SMARCA4: variants seen among roughly 807,000 people sequenced by gnomAD.
SMARCA4 encodes the protein SWI/SNF related BAF chromatin remodeling complex subunit ATPase 4.
SMARCA4 carries 31 observed loss-of-function variants against 193.9 expected under a neutral mutation model. That is an observed-to-expected ratio of 0.16 (90% CI 0.12 to 0.22). SMARCA4 has a LOEUF of 0.22. SMARCA4 is among the 10% of genes least tolerant of loss of function. The pLI, the probability that SMARCA4 is intolerant of heterozygous loss-of-function variation, is 1.00. For missense variants in SMARCA4, 1,148 were observed against 2,296.0 expected (o/e 0.50, Z 10.22); for synonymous variants, 942 against 933.1 (o/e 1.01, Z -0.17).
In SMARCA4 at chr19:11,003,799, C is replaced by G. The variant is rs113373560; in HGVS notation, c.2001+402C>G. On this transcript the variant is annotated intron_variant, in intron 13 of 34. Transcript: ENST00000344626. ...CAATCTCAGCTCATTGCAACCTCCA[C>G]CTCCCGGGTTCAAGCAATTCTCCTG... Among the ~76,000 whole-genome samples, 5 of 151,340 alleles carry G rather than the reference C, an allele frequency of 3.3e-5. No individual in the cohort carries two copies. The East Asian group carries it at 9.7e-4, about 29-fold the overall frequency.
At chr19:10,964,057 T>C (rs1176764996) in intron 1 of SMARCA4, among the ~76,000 whole-genome samples, 1 of 152,226 alleles carries the variant, frequency 6.6e-6, no homozygotes, top group Non-Finnish European at 1.5e-5. Context: ...GTGCAGGCTT[T>C]TGAGCAGGGG....
rs2074842542 is a variant in SMARCA4 at position 11,030,387 on chromosome 19, AG to A, written c.3383-342del. On this transcript the variant is annotated intron_variant, in intron 24 of 34. Coordinates refer to ENST00000344626, the MANE Select transcript of SMARCA4 (RefSeq NM_003072.5). The surrounding 1 kb of genome is among the most constrained non-coding windows in gnomAD (Gnocchi z 5.5). The stretch of plus-strand genomic sequence containing the variant: ...AATGGCACAGGGTAGAGTAGAGGAG[AG>A]AATCCAGGGCTGTGGTGGTGGTGGC... Among the ~76,000 whole-genome samples, 1 of 152,104 alleles carries A rather than the reference AG, an allele frequency of 6.6e-6. No individual in the cohort carries two copies. The highest frequency in any genetic ancestry group is 2.1e-4 in the South Asian group (1 of 4,828).
At chr19:11,014,458 C>T (rs1027159152) in intron 16 of SMARCA4, among the ~76,000 whole-genome samples, 2 of 152,232 alleles carry the variant, frequency 1.3e-5, no homozygotes, top group African/African-American at 4.8e-5. Flanking sequence ...TCCTTGTGCA[C>T]AGCGCTGCAG....
chr19:10,977,047 C>A (rs1236081500), intron 1 of SMARCA4, among the ~76,000 whole-genome samples: 5 of 152,158 alleles, frequency 3.3e-5, no homozygotes, highest in Admixed American at 3.3e-4. Flanking sequence ...CAGAGCGAGA[C>A]TCTGTCTCCA....
At chr19:11,011,553 CT>C (rs1203380484) in intron 15 of SMARCA4, among the ~76,000 whole-genome samples, 1 of 152,192 alleles carries the variant, frequency 6.6e-6, no homozygotes, top group Non-Finnish European at 1.5e-5. Flanking sequence ...ACTCTTAAAC[CT>C]TTTGTGCTAG....
rs534767953 is a variant in SMARCA4, at chr19:11,030,028, G to T, written c.3383-702G>T. Among the ~76,000 whole-genome samples the T allele has an allele frequency of 6.6e-6, 1 of 152,168 alleles. No homozygotes were observed. The highest frequency in any genetic ancestry group is 1.5e-5 in the Non-Finnish European group (1 of 68,012). ...GACTTCAGTGTTCAGGGGCACCTCT[G>T]TCCGAACTCCCAGCAGCGCAGGGAG... On this transcript the variant is annotated intron_variant, in intron 24 of 34. Coordinates refer to ENST00000344626, the MANE Select transcript of SMARCA4 (RefSeq NM_003072.5). This position sits in a 1 kb window ranked among gnomAD's most constrained non-coding sequence, Gnocchi z 5.5.
At chr19:11,010,963 G>T in intron 15 of SMARCA4, 2 of 267,904 alleles carry the variant, frequency 7.5e-6, no homozygotes, top group South Asian at 8.2e-5. Flanking sequence ...AACGGCGAGC[G>T]TCAGGAGCTT....
At position 10,984,220 on chromosome 19, in the gene SMARCA4, C is replaced by G. The variant is rs772658698; in HGVS notation, c.69C>G (p.Ser23=). 6.2e-7 allele frequency: 1 copy of G among 1,612,578 alleles called. No homozygotes were observed. ...RPGPSPGPGP[S]PGAMLGPSPG... ...GTCCTTCCCCGGGCCCTGGCCCTTC[C>G]CCTGGAGCCATGCTGGGCCCTAGCC... The change falls in exon 2 of 35, where the codon TCC becomes TCG. Residue 23 remains serine, a synonymous_variant. Transcript: ENST00000344626. The surrounding 1 kb of genome is among the most constrained non-coding windows in gnomAD (Gnocchi z 4.3).
intron 9 of SMARCA4, chr19:10,995,415 G>T: frequency 2.2e-6 from 1 of 462,812 alleles, no homozygotes; most frequent in Middle Eastern, 3.2e-4. Flanking sequence ...ACGGGGACAT[G>T]GCCCCTGCCT....
intron 1 of SMARCA4, among the ~76,000 whole-genome samples, chr19:10,972,239 A>C (rs952998158): frequency 3.9e-5 from 6 of 152,072 alleles, no homozygotes; most frequent in Non-Finnish European, 7.4e-5. Flanking sequence ...AATTACAGGC[A>C]TGAGCCACCA....
At position 10,985,180 on chromosome 19, in the gene SMARCA4, C is replaced by T. The variant is rs1238476073; in HGVS notation, c.223-93C>T. ...CGCGTCATCTTCGGGTGGCTGTTCT[C>T]GGTGCCCTCGAGCTTCTCTCGGGCA... On this transcript the variant is annotated intron_variant, in intron 2 of 34. Coordinates refer to ENST00000344626, the MANE Select transcript of SMARCA4 (RefSeq NM_003072.5). The surrounding 1 kb of genome is among the most constrained non-coding windows in gnomAD (Gnocchi z 4.5). The T allele has an allele frequency of 3.3e-5, 46 of 1,373,140 alleles. 1 individual carries two copies. Among genetic ancestry groups the T allele is most frequent in the Non-Finnish European group, 4.5e-5 (43 of 966,160 alleles). 85.1% of individuals were successfully genotyped at this position (1,373,140 alleles called of 1,614,324 possible). A position where few individuals can be genotyped will look rare whatever the true frequency, so the allele number is the denominator to read the frequency against.
At chr19:11,052,935 C>T (rs1028688458) in intron 30 of SMARCA4, among the ~76,000 whole-genome samples, 4 of 152,202 alleles carry the variant, frequency 2.6e-5, no homozygotes, top group Non-Finnish European at 5.9e-5. Context: ...GTCCCCGCCT[C>T]GCAGTGTTGG....
At chr19:10,968,314 G>T (rs1366155664) in intron 1 of SMARCA4, among the ~76,000 whole-genome samples, 1 of 152,100 alleles carries the variant, frequency 6.6e-6, no homozygotes, top group African/African-American at 2.4e-5. Context: ...GTCCCAGACT[G>T]GTTTCCAGAG....
rs757682544 is a variant in SMARCA4 at position 10,996,486 on chromosome 19, A to C, written c.1762-8A>C. 7 of 1,614,160 alleles carry C rather than the reference A, an allele frequency of 4.3e-6. No individual in the cohort carries two copies. Among genetic ancestry groups the C allele is most frequent in the East Asian group, 4.5e-5 (2 of 44,880 alleles). On this transcript the variant is annotated splice_region_variant and splice_polypyrimidine_tract_variant and intron_variant, in intron 10 of 34. Transcript: ENST00000344626. Reference sequence around the variant, plus strand: ...TCAGGGCCTGACCGTGTCTCTCTCTATTTCCAGAAGGCAGAAAATGCAGAA... The same window carrying C: ...TCAGGGCCTGACCGTGTCTCTCTCTCTTTCCAGAAGGCAGAAAATGCAGAA...
intron 1 of SMARCA4, among the ~76,000 whole-genome samples, chr19:10,974,863 C>T (rs1171322931): frequency 4.7e-5 from 7 of 149,028 alleles, no homozygotes; most frequent in South Asian, 2.1e-4. Flanking sequence ...CCCACCACCA[C>T]GCCTAGCTAA....
rs2145883804 is a variant in SMARCA4, at chr19:10,991,340, C to G, written c.1419+17C>G. The G allele has an allele frequency of 6.3e-7, 1 of 1,575,292 alleles. No individual in the cohort carries two copies. The highest frequency in any genetic ancestry group is 8.6e-7 in the Non-Finnish European group (1 of 1,161,476). ...AAGCACCAGGTACGCTCCGGTGGCC[C>G]CAAGGCCCTGCAGCCCGCCCACCTG... On this transcript the variant is annotated intron_variant, in intron 8 of 34. Coordinates refer to ENST00000344626, the MANE Select transcript of SMARCA4 (RefSeq NM_003072.5).
At chr19:10,989,805 A>G (rs894078734) in intron 7 of SMARCA4, among the ~76,000 whole-genome samples, 3 of 150,756 alleles carry the variant, frequency 2.0e-5, no homozygotes, top group Non-Finnish European at 4.4e-5. Context: ...GGGATCAAGC[A>G]ATTCTTCTGC....
At chr19:10,965,689 A>C (rs2084158143) in intron 1 of SMARCA4, among the ~76,000 whole-genome samples, 1 of 152,200 alleles carries the variant, frequency 6.6e-6, no homozygotes, top group Non-Finnish European at 1.5e-5. Context: ...CCCAGGCTAT[A>C]CACCTGTACA....
rs540390827 is a variant in SMARCA4 at position 11,030,312 on chromosome 19, C to T, written c.3383-418C>T. ...ACCCACCCCCAGGTCCCTTGTGTTGCGAGCGGCGGTGTTGCCGGCATTGGC... is the reference window on the plus strand; with the variant it reads ...ACCCACCCCCAGGTCCCTTGTGTTGTGAGCGGCGGTGTTGCCGGCATTGGC... On this transcript the variant is annotated intron_variant, in intron 24 of 34. Coordinates refer to ENST00000344626, the MANE Select transcript of SMARCA4 (RefSeq NM_003072.5). The surrounding 1 kb of genome is among the most constrained non-coding windows in gnomAD (Gnocchi z 5.5). 1.2e-4 allele frequency among the ~76,000 whole-genome samples: 18 copies of T among 152,336 alleles called. No homozygotes were observed. The highest frequency in any genetic ancestry group is 3.6e-4 in the African/African-American group (15 of 41,584).
Sources: gnomAD v4.1 joint callset for allele counts (sites outside exome capture counted in the v4.1 genomes callset) on GRCh38, gnomAD v4.1.1 for gene constraint, Gnocchi (gnomAD v3.1) non-coding constraint, MANE v1.5 for transcripts, NCBI Gene and HGNC (gene_info 2026-07-23, HGNC 2026-07-21) for gene names.